The following RNPEP variants were observed in gnomAD, a reference collection of about 807,000 sequenced individuals.
RNPEP encodes aminopeptidase B.
Under a neutral mutation model 70.1 loss-of-function variants are expected in RNPEP, and 57 were observed. That is an observed-to-expected ratio of 0.81 (90% CI 0.66 to 1.01). The LOEUF (loss-of-function observed/expected upper bound fraction) is 1.01, where lower values mean the gene tolerates loss of function less well. Ranked by LOEUF, RNPEP falls within the 50% of genes least tolerant of loss-of-function variation. The pLI is 0.00. For synonymous variants in RNPEP, 335 were observed against 357.4 expected (o/e 0.94, Z 0.71); for missense variants, 787 against 852.4 (o/e 0.92, Z 0.96).
intron 3 of RNPEP, among the ~76,000 whole-genome samples, chr1:201,990,960 A>G (rs897669999): frequency 3.9e-5 from 6 of 152,204 alleles, no homozygotes; most frequent in Non-Finnish European, 7.3e-5. Flanking sequence ...CTGAGTGATA[A>G]TGATTTCTTT....
In RNPEP at chr1:201,984,821, C is replaced by CTTTTTTCTTTTTCTTT. The variant is rs1558257963; in HGVS notation, c.447+1714_447+1715insCTTTTTCTTTTTTTTT. 5.2e-4 allele frequency among the ~76,000 whole-genome samples: 64 copies of CTTTTTTCTTTTTCTTT among 122,036 alleles called. 10 individuals are homozygous for CTTTTTTCTTTTTCTTT. Among genetic ancestry groups the CTTTTTTCTTTTTCTTT allele is most frequent in the Middle Eastern group, 4.0e-3 (1 of 248 alleles). 80.1% of individuals were successfully genotyped at this position (122,036 alleles called of 152,430 possible). On this transcript the variant is annotated intron_variant, in intron 1 of 10. Transcript: ENST00000295640. Reference sequence around the variant, plus strand: ...TTACTGCTAACTTTTGTATTTCTTTCTTTTTTTTTTTTTTTTTTTTTTTTT... The same window carrying CTTTTTTCTTTTTCTTT: ...TTACTGCTAACTTTTGTATTTCTTTCTTTTTTCTTTTTCTTTTTTTTTTTTTTTTTTTTTTTTTTTT...
chr1:201,992,981 C>G (rs1336432574), intron 3 of RNPEP, among the ~76,000 whole-genome samples: 1 of 152,188 alleles, frequency 6.6e-6, no homozygotes, highest in Non-Finnish European at 1.5e-5. Context: ...TTAAGCTGTT[C>G]TAAGACTTTA....
intron 7 of RNPEP, 50 bp downstream of exon 7, chr1:202,001,538 C>G (rs1410888918): frequency 1.3e-6 from 2 of 1,494,228 alleles, no homozygotes; most frequent in South Asian, 1.1e-5. Flanking sequence ...AGCCACTGGG[C>G]CTGATCAAGG....
intron 8 of RNPEP, 72 bp downstream of exon 8, chr1:202,001,839 ATGG>A: frequency 1.0e-6 from 1 of 1,000,014 alleles, no homozygotes; most frequent in Non-Finnish European, 1.6e-6. Flanking sequence ...ACTCGGAAAG[ATGG>A]TGGTGGATGG....
At chr1:201,996,116 C>T (rs543200086) in intron 3 of RNPEP, 31 bp from the exon 4 acceptor site, 10 of 1,570,228 alleles carry the variant, frequency 6.4e-6, no homozygotes, top group Middle Eastern at 1.7e-4. Context: ...CTCTAAACAC[C>T]ATTCTGCTTT....
At chr1:201,993,059 T>C (rs1256095917) in intron 3 of RNPEP, among the ~76,000 whole-genome samples, 2 of 152,240 alleles carry the variant, frequency 1.3e-5, no homozygotes, top group African/African-American at 4.8e-5. Context: ...TCTCCTGTTT[T>C]ATTGAGAATA....
chr1:201,990,393 A>C (rs1338026527), intron 3 of RNPEP, among the ~76,000 whole-genome samples: 1 of 150,528 alleles, frequency 6.6e-6, no homozygotes, highest in Non-Finnish European at 1.5e-5. Context: ...TGAAGATAAA[A>C]AGGGATTTTG....
At position 201,989,479 on chromosome 1, in the gene RNPEP, T is replaced by C. The variant is rs199566800; in HGVS notation, c.685T>C (p.Tyr229His). 179 of 1,614,098 alleles carry C rather than the reference T, an allele frequency of 1.1e-4. No individual in the cohort carries two copies. The highest frequency in any genetic ancestry group is 1.5e-4 in the Non-Finnish European group (175 of 1,180,038). ...CCAGATGTGTCAGCCCATCCCCTCC[T>C]ATCTGATAGCTTTGGCCATCGGAGA... ...FFQMCQPIPS[Y>H]LIALAIGDLV... Residue 229 changes from tyrosine to histidine, a missense_variant, in exon 3 of 11, where the codon TAT becomes CAT. Transcript: ENST00000295640.
intron 1 of RNPEP, chr1:201,983,580 T>G: frequency 7.7e-7 from 1 of 1,301,244 alleles, no homozygotes; most frequent in Non-Finnish European, 1.0e-6. Flanking sequence ...CAGATGTTGA[T>G]CTAGCTCTTT....
chr1:201,995,929 G>A, intron 3 of RNPEP: 1 of 554,886 alleles, frequency 1.8e-6, no homozygotes, highest in South Asian at 2.4e-5. Context: ...GCGTAGCACG[G>A]TTCCACCTCC....
Position 202,005,670 on chromosome 1 carries a change from A to T in RNPEP, c.1907A>T (p.Asn636Ile). The change falls in exon 11 of 11, where the codon AAT becomes ATT. Residue 636 changes from asparagine to isoleucine, a missense_variant. By Grantham distance (149) the Asn-to-Ile change is moderately radical. Coordinates refer to ENST00000295640, the MANE Select transcript of RNPEP (RefSeq NM_020216.4). ...TCCACCGCCTCCCAGCTCCACAGCA[A>T]TGTTGTCAACTATGTCCAGCAGATC... ...FASTASQLHS[N>I]VVNYVQQIVA... 5 of 1,614,226 alleles carry T rather than the reference A, an allele frequency of 3.1e-6. No homozygotes were observed. The highest frequency in any genetic ancestry group is 4.2e-6 in the Non-Finnish European group (5 of 1,180,040).
intron 3 of RNPEP, among the ~76,000 whole-genome samples, chr1:201,994,782 T>G (rs1383060855): frequency 4.1e-5 from 6 of 148,128 alleles, no homozygotes; most frequent in South Asian, 4.4e-4. Context: ...TTCTCCTGCC[T>G]CAGCCTCTCA....
chr1:202,002,654 G>A (rs373166768), intron 8 of RNPEP, among the ~76,000 whole-genome samples: 3 of 152,220 alleles, frequency 2.0e-5, no homozygotes, highest in Non-Finnish European at 2.9e-5. Context: ...CCTACTGTTC[G>A]GTTGGAGGCT....
chr1:201,992,356 A>T (rs1360535053), intron 3 of RNPEP, among the ~76,000 whole-genome samples: 1 of 152,064 alleles, frequency 6.6e-6, no homozygotes, highest in African/African-American at 2.4e-5. Context: ...ACCTCTACTC[A>T]GGGAGCCTTC....
At chr1:201,993,768 G>C (rs1683434751) in intron 3 of RNPEP, among the ~76,000 whole-genome samples, 1 of 152,146 alleles carries the variant, frequency 6.6e-6, no homozygotes, top group Non-Finnish European at 1.5e-5. Context: ...AACAGAGCAA[G>C]ACTCCGTCTC....
At chr1:201,995,238 A>G (rs1184585022) in intron 3 of RNPEP, among the ~76,000 whole-genome samples, 1 of 152,198 alleles carries the variant, frequency 6.6e-6, no homozygotes, top group Non-Finnish European at 1.5e-5. Flanking sequence ...CTACTTTGTC[A>G]TATTAGTTTT....
chr1:201,991,382 G>A (rs1004825881), intron 3 of RNPEP, among the ~76,000 whole-genome samples: 6 of 152,156 alleles, frequency 3.9e-5, no homozygotes, highest in Admixed American at 2.0e-4. Context: ...CAAAGTGCTC[G>A]ATTACAGGCA....
intron 9 of RNPEP, among the ~76,000 whole-genome samples, 169 bp from the exon 10 acceptor site, chr1:202,004,185 G>A (rs532717979): frequency 1.8e-4 from 28 of 152,164 alleles, no homozygotes; most frequent in Non-Finnish European, 3.1e-4. Context: ...CACCACACCC[G>A]GCCAGTTTTG....
intron 1 of RNPEP, chr1:201,983,659 C>T (rs1683022703): frequency 8.5e-7 from 1 of 1,174,096 alleles, no homozygotes. Context: ...CTGTGAAGTC[C>T]TGGATTTGAT....
Sources: allele counts gnomAD v4.1 joint callset (sites outside exome capture counted in the v4.1 genomes callset), GRCh38; gene constraint gnomAD v4.1.1; transcripts MANE v1.5; gene names NCBI Gene and HGNC (gene_info 2026-07-23, HGNC 2026-07-21).